CFAP20DC: variants seen among roughly 807,000 people sequenced by gnomAD.
CFAP20DC encodes protein CFAP20DC.
Under a neutral mutation model 101.7 loss-of-function variants are expected in CFAP20DC, and 84 were observed. The observed-to-expected ratio is 0.83, with a 90% CI of 0.69 to 0.99. CFAP20DC has a LOEUF of 0.99. CFAP20DC is among the 50% of genes least tolerant of loss of function. CFAP20DC has a pLI of 0.00. For synonymous variants in CFAP20DC, 359 were observed against 351.2 expected, an observed-to-expected ratio of 1.02 and a Z score of -0.25; for missense variants, 1,007 against 970.3, an observed-to-expected ratio of 1.04 and a Z score of -0.50.
chr3:58,968,217 A>G lies in CFAP20DC; in HGVS notation c.279-30455T>C, dbSNP rs149789394. ...GGTAGGATGATTTGTATTCCTTTGGATATATACCCAGAAATGGGATTGCTG... is the reference window on the plus strand; with the variant it reads ...GGTAGGATGATTTGTATTCCTTTGGGTATATACCCAGAAATGGGATTGCTG... On this transcript the variant is annotated intron_variant, in intron 4 of 16. Coordinates refer to ENST00000482387, the MANE Select transcript of CFAP20DC (RefSeq NM_001394063.1). Among the ~76,000 whole-genome samples the G allele has an allele frequency of 5.1e-4, 77 of 152,168 alleles. 1 individual carries two copies. Among genetic ancestry groups the G allele is most frequent in the African/African-American group, 1.8e-3 (76 of 41,544 alleles).
intron 5 of CFAP20DC, among the ~76,000 whole-genome samples, chr3:58,930,124 T>C (rs537528655): frequency 2.0e-5 from 3 of 152,318 alleles, no homozygotes; most frequent in African/African-American, 7.2e-5. Context: ...ATTCTGACTC[T>C]TGCTCTCACA....
At position 58,842,643 on chromosome 3, in the gene CFAP20DC, T is replaced by G. The variant is rs559712468; in HGVS notation, c.1971+6389A>C. Among the ~76,000 whole-genome samples the G allele has an allele frequency of 1.1e-3, 160 of 152,330 alleles. 1 individual carries two copies. Among genetic ancestry groups the G allele is most frequent in the South Asian group, 3.1e-3 (15 of 4,824 alleles). On this transcript the variant is annotated intron_variant, in intron 13 of 16. Coordinates refer to ENST00000482387, the MANE Select transcript of CFAP20DC (RefSeq NM_001394063.1). ...GGGAAACAAAGCAGCCAGGAAGCTC[T>G]AACTGGGTGGAGCCCGCCACAGCTC...
At chr3:58,778,930 C>T (rs1294574299) in intron 15 of CFAP20DC, among the ~76,000 whole-genome samples, 1 of 152,194 alleles carries the variant, frequency 6.6e-6, no homozygotes, top group Non-Finnish European at 1.5e-5. Flanking sequence ...AAGTGTCCCA[C>T]CCAACCAACA....
chr3:58,867,379 G>A (rs541049440), intron 10 of CFAP20DC, among the ~76,000 whole-genome samples: 1 of 152,042 alleles, frequency 6.6e-6, no homozygotes, highest in Non-Finnish European at 1.5e-5. Context: ...TTAACCTAGA[G>A]TATAACATAT....
At chr3:58,976,775 T>A (rs2092296947) in intron 4 of CFAP20DC, among the ~76,000 whole-genome samples, 1 of 152,058 alleles carries the variant, frequency 6.6e-6, no homozygotes, top group Admixed American at 6.6e-5. Context: ...AAGACACGCA[T>A]GTCAGGTTCA....
chr3:58,908,914 T>C (rs773238090), intron 6 of CFAP20DC, among the ~76,000 whole-genome samples: 11 of 152,270 alleles, frequency 7.2e-5, no homozygotes, highest in Middle Eastern at 6.8e-3. Flanking sequence ...GGCTACATAC[T>C]ATATACTTTT....
intron 7 of CFAP20DC, among the ~76,000 whole-genome samples, chr3:58,876,726 G>T (rs2080782631): frequency 1.3e-5 from 2 of 152,018 alleles, no homozygotes; most frequent in Non-Finnish European, 1.5e-5. Flanking sequence ...ATTTAAATTT[G>T]CACGGTTTTC....
intron 4 of CFAP20DC, among the ~76,000 whole-genome samples, chr3:58,940,389 T>C (rs980268750): frequency 6.6e-6 from 1 of 152,278 alleles, no homozygotes; most frequent in East Asian, 1.9e-4. Context: ...TACTTTCTTA[T>C]GTTTCCTTCT....
At chr3:58,883,906 C>T (rs2081403937) in intron 7 of CFAP20DC, among the ~76,000 whole-genome samples, 1 of 152,120 alleles carries the variant, frequency 6.6e-6, no homozygotes, top group Non-Finnish European at 1.5e-5. Context: ...GTAAGTACTA[C>T]TCATTAATTT....
chr3:58,934,086 G>T (rs1428593220), intron 5 of CFAP20DC, among the ~76,000 whole-genome samples: 1 of 151,990 alleles, frequency 6.6e-6, no homozygotes, highest in African/African-American at 2.4e-5. Flanking sequence ...ATGATAAAGG[G>T]GATATCACCA....
At chr3:58,737,269 C>T (rs2067778264), downstream of CFAP20DC, 2 of 456,222 alleles carry the variant, frequency 4.4e-6, no homozygotes, top group Non-Finnish European at 8.8e-6. This position sits in a 1 kb window ranked among gnomAD's most constrained non-coding sequence, Gnocchi z 4.1. Context: ...CACAAAATTC[C>T]ACTAACCACC....
In CFAP20DC at chr3:58,806,472, C is replaced by A. The variant is rs781327588; in HGVS notation, c.2176-16G>T. ...GGTTGACAGGCTGGAAAAGACAAAA[C>A]ATTTGTGAATGTTTAATCAGCACAA... On this transcript the variant is annotated splice_polypyrimidine_tract_variant and intron_variant, in intron 14 of 16. Transcript: ENST00000482387. 10 of 1,595,122 alleles carry A rather than the reference C, an allele frequency of 6.3e-6. No individual in the cohort carries two copies. In the African/African-American group the frequency reaches 6.7e-5, roughly 11 times the overall value.
At chr3:58,950,682 T>C (rs1227064199) in intron 4 of CFAP20DC, among the ~76,000 whole-genome samples, 1 of 152,166 alleles carries the variant, frequency 6.6e-6, no homozygotes, top group African/African-American at 2.4e-5. Flanking sequence ...ATTTAACAAA[T>C]GGTGCTGGGA....
chr3:59,023,122 T>C (rs2093831818), intron 4 of CFAP20DC, among the ~76,000 whole-genome samples: 1 of 151,938 alleles, frequency 6.6e-6, no homozygotes, highest in Admixed American at 6.6e-5. Flanking sequence ...AGCAGAACAC[T>C]TTCTTAGTCC....
rs562353599 is a variant in CFAP20DC at position 58,849,397 on chromosome 3, T to C, written c.1606A>G (p.Ile536Val). The C allele has an allele frequency of 3.7e-5, 56 of 1,528,548 alleles. No individual in the cohort carries two copies. The African/African-American group carries it at 5.9e-4, about 16-fold the overall frequency. 94.7% of individuals were successfully genotyped at this position (1,528,548 alleles called of 1,614,324 possible). A position where few individuals can be genotyped will look rare whatever the true frequency, so the allele number is the denominator to read the frequency against. ...GDSSEEGNHS[I>V]QGSRGPTTGP... ...GTTGTTGGGCCTCGAGAACCCTGGA[T>C]ACTGTGGTTACCCTATGTTGGGGAA... Residue 536 changes from isoleucine to valine, a missense_variant, in exon 13 of 17, where the codon ATC becomes GTC. Physicochemically the swap from Ile to Val is conservative, Grantham distance 29 (BLOSUM62 3). Coordinates refer to ENST00000482387, the MANE Select transcript of CFAP20DC (RefSeq NM_001394063.1).
intron 15 of CFAP20DC, among the ~76,000 whole-genome samples, chr3:58,755,439 T>G (rs929439779): frequency 6.6e-6 from 1 of 152,110 alleles, no homozygotes; most frequent in African/African-American, 2.4e-5. Flanking sequence ...ACCTCATTAC[T>G]CAATAAGGGT....
Position 59,015,292 on chromosome 3 carries a change from T to C in CFAP20DC, c.278+24265A>G, listed in dbSNP as rs563594283. Among the ~76,000 whole-genome samples, 7 of 150,216 alleles carry C rather than the reference T, an allele frequency of 4.7e-5. No individual in the cohort carries two copies. The East Asian group carries it at 1.2e-3, about 25-fold the overall frequency. ...TTGAGTAAGTTTACTCCCACAGGAG[T>C]AGAAGTGAGAGAAGGAAGAGAAGCA... On this transcript the variant is annotated intron_variant, in intron 4 of 16. Coordinates refer to ENST00000482387, the MANE Select transcript of CFAP20DC (RefSeq NM_001394063.1). The surrounding 1 kb of genome is among the most constrained non-coding windows in gnomAD (Gnocchi z 5.4).
rs367885771 is a variant in CFAP20DC at position 59,029,616 on chromosome 3, G to A, written c.278+9941C>T. ...TGCTATGAGATGAGAAGGGAGAGGT[G>A]AGACCAGAACACCCAGGAGTACTGT... On this transcript the variant is annotated intron_variant, in intron 4 of 16. Coordinates refer to ENST00000482387, the MANE Select transcript of CFAP20DC (RefSeq NM_001394063.1). 7.2e-5 allele frequency among the ~76,000 whole-genome samples: 11 copies of A among 152,190 alleles called. No homozygotes were observed. The East Asian group carries it at 2.1e-3, about 30-fold the overall frequency.
chr3:58,778,049 G>C (rs1403327498), intron 15 of CFAP20DC, among the ~76,000 whole-genome samples: 4 of 152,174 alleles, frequency 2.6e-5, no homozygotes, highest in African/African-American at 9.7e-5. Flanking sequence ...TGTGTCCCAA[G>C]GACAAATTCC....
Sources: gnomAD v4.1 joint callset for allele counts (sites outside exome capture counted in the v4.1 genomes callset) on GRCh38, gnomAD v4.1.1 for gene constraint, Gnocchi (gnomAD v3.1) non-coding constraint, MANE v1.5 for transcripts, NCBI Gene and HGNC (gene_info 2026-07-23, HGNC 2026-07-21) for gene names.